The following IKZF2 variants were observed in gnomAD, a reference collection of about 807,000 sequenced individuals.
IKZF2 encodes the protein zinc finger protein Helios.
IKZF2 carries 15 observed loss-of-function variants against 49.2 expected under a neutral mutation model. The observed-to-expected ratio is 0.30, with a 90% confidence interval of 0.20 to 0.47. IKZF2 has a LOEUF of 0.47. IKZF2 is among the 20% of genes least tolerant of loss of function. The pLI is 1.00. For synonymous variants in IKZF2, 227 were observed against 221.4 expected, an observed-to-expected ratio of 1.03 and a Z score of -0.23; for missense variants, 567 against 664.6, an observed-to-expected ratio of 0.85 and a Z score of 1.61.
chr2:213,097,579 C>T (rs915055701), intron 4 of IKZF2, among the ~76,000 whole-genome samples: 14 of 151,994 alleles, frequency 9.2e-5, no homozygotes, highest in African/African-American at 3.4e-4. Context: ...TCAGTCATAC[C>T]CTTGAGATTC....
intron 2 of IKZF2, among the ~76,000 whole-genome samples, chr2:213,149,372 C>T (rs2061193166): frequency 6.6e-6 from 1 of 151,410 alleles, no homozygotes; most frequent in Non-Finnish European, 1.5e-5. Context: ...AAACTTTGGG[C>T]AATTATTCTC....
At chr2:213,020,662 A>G (rs1311644089) in intron 7 of IKZF2, among the ~76,000 whole-genome samples, 1 of 152,212 alleles carries the variant, frequency 6.6e-6, no homozygotes, top group Non-Finnish European at 1.5e-5. Context: ...TATAGAAACT[A>G]GAAGGAAATG....
intron 4 of IKZF2, among the ~76,000 whole-genome samples, chr2:213,099,937 T>C (rs1431095196): frequency 1.3e-5 from 2 of 152,154 alleles, no homozygotes; most frequent in African/African-American, 4.8e-5. Context: ...TTAGATTCAT[T>C]AAAGAATTGG....
At chr2:213,074,393 G>A (rs752244764) in intron 4 of IKZF2, among the ~76,000 whole-genome samples, 7 of 152,068 alleles carry the variant, frequency 4.6e-5, no homozygotes, top group South Asian at 2.1e-4. Flanking sequence ...TACTGAATAC[G>A]TAGGCAATTG....
chr2:213,092,310 G>A (rs1705437767), intron 4 of IKZF2, among the ~76,000 whole-genome samples: 1 of 152,154 alleles, frequency 6.6e-6, no homozygotes, highest in Admixed American at 6.6e-5. Flanking sequence ...ATTACAGTGT[G>A]AGCCACTGTG....
At chr2:213,133,703 A>AAAATAAATAAATAAATAAATAAAT (rs145388709) in intron 4 of IKZF2, among the ~76,000 whole-genome samples, 6 of 145,398 alleles carry the variant, frequency 4.1e-5, no homozygotes, top group African/African-American at 1.5e-4. Context: ...CCGTCTCGAA[A>AAAATAAATAAATAAATAAATAAAT]AAATAAATAA....
chr2:213,128,008 A>G (rs949295129), intron 4 of IKZF2, among the ~76,000 whole-genome samples: 6 of 152,220 alleles, frequency 3.9e-5, no homozygotes, highest in African/African-American at 1.2e-4. Context: ...TAAAGTTACC[A>G]TTATAAAATA....
chr2:213,119,243 G>A (rs2059972812), intron 4 of IKZF2, among the ~76,000 whole-genome samples: 1 of 152,088 alleles, frequency 6.6e-6, no homozygotes, highest in Admixed American at 6.6e-5. Flanking sequence ...TAGTAAAAGG[G>A]GCCCCAAAAC....
intron 5 of IKZF2, among the ~76,000 whole-genome samples, chr2:213,055,223 C>T (rs927541341): frequency 4.6e-5 from 7 of 151,924 alleles, no homozygotes; most frequent in African/African-American, 1.7e-4. Flanking sequence ...TACAATCACT[C>T]TTACATAATG....
intron 4 of IKZF2, among the ~76,000 whole-genome samples, chr2:213,067,977 C>T (rs1039064543): frequency 6.6e-6 from 1 of 152,024 alleles, no homozygotes; most frequent in Non-Finnish European, 1.5e-5. Context: ...TTTAAGCATG[C>T]CATCCTTGTA....
chr2:213,014,575 G>C (rs1696360028), intron 7 of IKZF2: 1 of 151,968 alleles, frequency 6.6e-6, no homozygotes, highest in Non-Finnish European at 1.5e-5. Context: ...GCAGGAAGAA[G>C]AATCCATTTC....
intron 8 of IKZF2, among the ~76,000 whole-genome samples, chr2:213,010,313 T>C (rs1695806185): frequency 6.6e-6 from 1 of 152,026 alleles, no homozygotes; most frequent in Admixed American, 6.6e-5. Flanking sequence ...GTGAAGGGGA[T>C]GGGTCAAAAA....
At chr2:213,127,529 G>C (rs2125874045) in intron 4 of IKZF2, among the ~76,000 whole-genome samples, 1 of 152,276 alleles carries the variant, frequency 6.6e-6, no homozygotes, top group East Asian at 1.9e-4. Flanking sequence ...ATAATGATGT[G>C]ATACGGTATT....
chr2:213,033,248 C>T (rs182571614), intron 6 of IKZF2, among the ~76,000 whole-genome samples: 18 of 152,300 alleles, frequency 1.2e-4, no homozygotes, highest in Non-Finnish European at 2.4e-4. Flanking sequence ...ATCTGCAGTT[C>T]CTTTATCCAC....
At chr2:213,064,741 T>TCTAA (rs56175857) in intron 4 of IKZF2, among the ~76,000 whole-genome samples, 124,681 of 151,520 alleles carry the variant, frequency 0.82, 52,162 homozygotes, top group Non-Finnish European at 0.91. Context: ...GTCTTGCACA[T>TCTAA]CTGTTTTTGC....
intron 7 of IKZF2, chr2:213,014,589 A>G (rs1401832457): frequency 6.6e-6 from 1 of 152,016 alleles, no homozygotes; most frequent in Non-Finnish European, 1.5e-5. Context: ...CCATTTCTAA[A>G]TTGGCACATT....
chr2:213,024,139 T>C (rs967070478), intron 6 of IKZF2, among the ~76,000 whole-genome samples: 1 of 152,162 alleles, frequency 6.6e-6, no homozygotes, highest in Non-Finnish European at 1.5e-5. Context: ...CATCCCATCA[T>C]TGAGTCCAAC....
chr2:213,106,619 G>A lies in IKZF2; in HGVS notation c.139+41089C>T, dbSNP rs567563730. ...GGTGCCACTGCACTCCAACCTGGGC[G>A]ACAGAGTGAGGGAAACCCTGTCTAA... On this transcript the variant is annotated intron_variant, in intron 4 of 8. Transcript: ENST00000434687. Among the ~76,000 whole-genome samples the A allele has an allele frequency of 2.2e-3, 318 of 143,618 alleles. 1 individual carries two copies. The highest frequency in any genetic ancestry group is 7.7e-3 in the African/African-American group (302 of 39,048). 94.2% of individuals were successfully genotyped at this position (143,618 alleles called of 152,430 possible).
At chr2:213,012,399 A>T (rs1696061875) in intron 8 of IKZF2, among the ~76,000 whole-genome samples, 1 of 151,942 alleles carries the variant, frequency 6.6e-6, no homozygotes, top group South Asian at 2.1e-4. Flanking sequence ...AAGAATAATA[A>T]TATATTTTAT....
Sources: allele counts gnomAD v4.1 joint callset (sites outside exome capture counted in the v4.1 genomes callset), GRCh38; gene constraint gnomAD v4.1.1; transcripts MANE v1.5; gene names NCBI Gene and HGNC (gene_info 2026-07-23, HGNC 2026-07-21).